The following CCDC174 variants were observed in gnomAD, a reference collection of about 807,000 sequenced individuals.
The protein encoded by CCDC174 is coiled-coil domain containing 174, also known as coiled-coil domain-containing protein 174.
In CCDC174, 37 loss-of-function variants were observed where a neutral mutation model predicts 57.1. The ratio of observed to expected loss-of-function variants is 0.65; its 90% CI spans 0.50 to 0.85. The LOEUF (loss-of-function observed/expected upper bound fraction) is 0.85, where lower values mean the gene tolerates loss of function less well. CCDC174 is among the 40% of genes least tolerant of loss of function. The pLI is 0.00. For missense variants in CCDC174, 540 were observed against 574.3 expected (o/e 0.94, Z 0.61); for synonymous variants, 182 against 190.2 (o/e 0.96, Z 0.35).
chr3:14,657,181 CT>C (rs1237520992), intron 3 of CCDC174, among the ~76,000 whole-genome samples: 1 of 152,198 alleles, frequency 6.6e-6, no homozygotes, highest in African/African-American at 2.4e-5. Flanking sequence ...TATGCAGTAA[CT>C]TTTATGAAGC....
chr3:14,656,062 CTT>C (rs1332655229), intron 3 of CCDC174, among the ~76,000 whole-genome samples: 2 of 152,158 alleles, frequency 1.3e-5, no homozygotes, highest in African/African-American at 2.4e-5. Context: ...CTCTCTCTCT[CTT>C]ACACACACAC....
chr3:14,669,402 T>G (rs987481412), intron 9 of CCDC174, among the ~76,000 whole-genome samples: 1 of 152,240 alleles, frequency 6.6e-6, no homozygotes, highest in Admixed American at 6.5e-5. Flanking sequence ...ACATCTGTCA[T>G]GTCCAGAAAA....
chr3:14,661,644 A>G lies in CCDC174; in HGVS notation c.422A>G (p.Asp141Gly), dbSNP rs1228875186. The change falls in exon 5 of 11, where the codon GAC becomes GGC. Residue 141 changes from aspartate to glycine, a missense_variant. By Grantham distance (94) the Asp-to-Gly change is moderately conservative. Transcript: ENST00000383794. ...GATTCTCAAAAGGCAGGAGAAAGGG[A>G]CGACGATGAGGAAAACCTTCCTGAG... is the stretch of plus-strand genomic sequence containing the variant. ...HRDSQKAGER[D>G]DDEENLPEGE... 1.2e-6 allele frequency: 2 copies of G among 1,614,090 alleles called. No homozygotes were observed. The highest frequency in any genetic ancestry group is 1.7e-6 in the Non-Finnish European group (2 of 1,180,018).
intron 5 of CCDC174, among the ~76,000 whole-genome samples, chr3:14,664,229 C>A (rs1311667884): frequency 1.3e-5 from 2 of 152,344 alleles, no homozygotes; most frequent in Non-Finnish European, 2.9e-5. Flanking sequence ...CCTGCCAAAT[C>A]TGACCTTGAA....
intron 4 of CCDC174, among the ~76,000 whole-genome samples, chr3:14,659,660 G>A (rs2031062856): frequency 6.6e-6 from 1 of 152,026 alleles, no homozygotes; most frequent in Non-Finnish European, 1.5e-5. Flanking sequence ...GGTGCAGTAA[G>A]CTATGATCCA....
At chr3:14,658,337 C>A (rs2031025928) in intron 3 of CCDC174, among the ~76,000 whole-genome samples, 1 of 152,236 alleles carries the variant, frequency 6.6e-6, no homozygotes, top group Non-Finnish European at 1.5e-5. Flanking sequence ...TGGTCATTCA[C>A]AAGAGAACTC....
chr3:14,670,132 A>G (rs2031464937), intron 10 of CCDC174, 46 bp downstream of exon 10: 4 of 1,564,416 alleles, frequency 2.6e-6, no homozygotes, highest in Non-Finnish European at 3.4e-6. Flanking sequence ...CAGTGAATGG[A>G]AAATGGTTTT....
intron 6 of CCDC174, among the ~76,000 whole-genome samples, chr3:14,665,897 G>T (rs1339822831): frequency 1.3e-5 from 2 of 151,888 alleles, no homozygotes; most frequent in African/African-American, 4.8e-5. Flanking sequence ...AATTAGCCAG[G>T]TGTGGTTGCG....
chr3:14,660,511 GAA>G (rs56340655), intron 4 of CCDC174, among the ~76,000 whole-genome samples: 2 of 151,334 alleles, frequency 1.3e-5, no homozygotes, highest in Non-Finnish European at 1.5e-5. Context: ...TTCAGAAAAA[GAA>G]AAAAAAAGTT....
chr3:14,655,965 T>C (rs1672808387), intron 3 of CCDC174, among the ~76,000 whole-genome samples: 1 of 152,172 alleles, frequency 6.6e-6, no homozygotes, highest in Admixed American at 6.5e-5. Flanking sequence ...CCCCACCTTT[T>C]ATTTTGAAAA....
At chr3:14,663,463 G>A (rs545065336) in intron 5 of CCDC174, among the ~76,000 whole-genome samples, 4 of 152,220 alleles carry the variant, frequency 2.6e-5, no homozygotes, top group East Asian at 3.9e-4. Flanking sequence ...TAGTCTTTAC[G>A]TACCCAGTGT....
intron 5 of CCDC174, among the ~76,000 whole-genome samples, chr3:14,663,586 C>T (rs2031222331): frequency 6.6e-6 from 1 of 152,132 alleles, no homozygotes; most frequent in South Asian, 2.1e-4. Flanking sequence ...CTTTGTTTGC[C>T]TGCAGGGGTT....
At chr3:14,664,062 G>A (rs1208476264) in intron 5 of CCDC174, among the ~76,000 whole-genome samples, 2 of 152,160 alleles carry the variant, frequency 1.3e-5, no homozygotes, top group Non-Finnish European at 1.5e-5. Context: ...GGGAAAAAAA[G>A]GAAGAAAGAA....
intron 4 of CCDC174, 71 bp from the exon 5 acceptor site, chr3:14,661,459 G>A (rs973320266): frequency 2.9e-6 from 4 of 1,361,918 alleles, no homozygotes; most frequent in African/African-American, 1.5e-5. Flanking sequence ...GGCAATGAAT[G>A]TGACTGCTTC....
At position 14,661,662 on chromosome 3, in the gene CCDC174, T is replaced by A; in HGVS notation, c.440T>A (p.Leu147His). 1 of 1,614,170 alleles carries A rather than the reference T, an allele frequency of 6.2e-7. No homozygotes were observed. The change falls in exon 5 of 11, where the codon CTT (leucine) becomes CAT (histidine). Residue 147 changes from leucine (L) to histidine (H), a missense_variant. Physicochemically the swap from Leu to His is moderately conservative, Grantham distance 99. Coordinates refer to ENST00000383794, the MANE Select transcript of CCDC174 (RefSeq NM_016474.5). ...AGERDDDEEN[L>H]PEGEIPPPQD... ...GAAAGGGACGACGATGAGGAAAACC[T>A]TCCTGAGGGAGAGATCCCTCCTCCC...
Position 14,658,881 on chromosome 3 carries a change from G to A in CCDC174, c.259G>A (p.Glu87Lys). The A allele has an allele frequency of 6.5e-7, 1 of 1,540,272 alleles. No homozygotes were observed. Among genetic ancestry groups the A allele is most frequent in the Non-Finnish European group, 8.9e-7 (1 of 1,127,414 alleles). Residue 87 changes from glutamate (E) to lysine (K), a missense_variant, in exon 4 of 11, where the codon GAA becomes AAA. Physicochemically the swap from Glu to Lys is moderately conservative, Grantham distance 56. Coordinates refer to ENST00000383794, the MANE Select transcript of CCDC174 (RefSeq NM_016474.5). ...KTLDKAREKL[E>K]EKAKLYEKMT... ...TTTTTTTTCTCCTAGGGAAAAATTG[G>A]AAGAAAAAGCCAAATTATATGAAAA...
At chr3:14,670,188 T>G in intron 10 of CCDC174, 102 bp downstream of exon 10, 1 of 1,215,800 alleles carries the variant, frequency 8.2e-7, no homozygotes, top group Non-Finnish European at 1.1e-6. Context: ...TGCTGCCTTG[T>G]GTGGTTTTAC....
At chr3:14,653,070 CAT>C (rs2030831684) in intron 1 of CCDC174, among the ~76,000 whole-genome samples, 1 of 152,226 alleles carries the variant, frequency 6.6e-6, no homozygotes, top group South Asian at 2.1e-4. Context: ...GGAAGGAAAA[CAT>C]ATAGGTGTCC....
chr3:14,655,727 T>C (rs911830886), intron 3 of CCDC174, 98 bp downstream of exon 3: 1 of 673,464 alleles, frequency 1.5e-6, no homozygotes, highest in African/African-American at 1.9e-5. Flanking sequence ...ACAAATTTTA[T>C]TTTTAACATC....
Sources: gnomAD v4.1 joint callset for allele counts (sites outside exome capture counted in the v4.1 genomes callset) on GRCh38, gnomAD v4.1.1 for gene constraint, MANE v1.5 for transcripts, NCBI Gene and HGNC (gene_info 2026-07-23, HGNC 2026-07-21) for gene names.